Variants in MAML2 observed in about 807,000 individuals in gnomAD.
The protein encoded by MAML2 is mastermind-like protein 2.
A neutral mutation model predicts 96.1 loss-of-function variants in MAML2; 22 were observed. The ratio of observed to expected loss-of-function variants is 0.23; its 90% CI spans 0.16 to 0.33. The LOEUF is 0.33. Ranked by LOEUF, MAML2 falls within the 10% of genes least tolerant of loss-of-function variation. The pLI is 1.00. For missense variants in MAML2, 1,367 were observed against 1,392.4 expected (o/e 0.98, Z 0.29); for synonymous variants, 561 against 521.3 (o/e 1.08, Z -1.04).
intron 1 of MAML2, among the ~76,000 whole-genome samples, chr11:96,141,678 A>G (rs1326303032): frequency 1.3e-5 from 2 of 152,212 alleles, no homozygotes; most frequent in East Asian, 3.8e-4. Context: ...CTCCACACAT[A>G]AGGACCAGGC....
chr11:96,144,447 G>A (rs1009505965), intron 1 of MAML2, among the ~76,000 whole-genome samples: 9 of 152,296 alleles, frequency 5.9e-5, no homozygotes, highest in Middle Eastern at 3.4e-3. Flanking sequence ...AGTGGTAGAA[G>A]TGGGTTCTGT....
intron 2 of MAML2, among the ~76,000 whole-genome samples, chr11:96,059,099 T>TA (rs1340716514): frequency 6.6e-6 from 1 of 151,958 alleles, no homozygotes; most frequent in African/African-American, 2.4e-5. Context: ...ATAATAGCAA[T>TA]AAAAAATAAA....
chr11:96,255,000 T>C (rs1199535048), intron 1 of MAML2, among the ~76,000 whole-genome samples: 1 of 152,030 alleles, frequency 6.6e-6, no homozygotes, highest in African/African-American at 2.4e-5. Context: ...TTGGCATTTT[T>C]TTTTTAGAGG....
At chr11:96,035,439 G>A (rs1345395036) in intron 2 of MAML2, among the ~76,000 whole-genome samples, 5 of 152,198 alleles carry the variant, frequency 3.3e-5, no homozygotes, top group South Asian at 2.1e-4. Context: ...TTCTGAGGAT[G>A]TGGATTCTAC....
chr11:96,251,006 G>A (rs367834012), intron 1 of MAML2, among the ~76,000 whole-genome samples: 22 of 123,288 alleles, frequency 1.8e-4, no homozygotes, highest in African/African-American at 7.5e-4. Flanking sequence ...GGTAAGGGGT[G>A]AGGGAGAAGA....
chr11:96,063,660 C>A (rs1051966254), intron 2 of MAML2, among the ~76,000 whole-genome samples: 2 of 152,166 alleles, frequency 1.3e-5, no homozygotes, highest in East Asian at 1.9e-4. Flanking sequence ...GCCCAGGATA[C>A]CTAGCTCCAA....
chr11:95,998,118 ATCTATCTGTCTGTCTGTCTGTCAGTCTG>A (rs1858021099), intron 2 of MAML2, among the ~76,000 whole-genome samples: 1 of 125,372 alleles, frequency 8.0e-6, no homozygotes, highest in African/African-American at 3.1e-5. Flanking sequence ...CCACTTTTCT[ATCTATCTGTCTGTCTGTCTGTCAGTCTG>A]TCTGTCTGTC....
At chr11:96,291,768 T>C (rs1314949865) in intron 1 of MAML2, among the ~76,000 whole-genome samples, 3 of 152,196 alleles carry the variant, frequency 2.0e-5, no homozygotes, top group East Asian at 1.9e-4. Context: ...TTTTTATTCA[T>C]AGAATACTCT....
intron 2 of MAML2, among the ~76,000 whole-genome samples, chr11:96,062,076 T>G (rs1371951345): frequency 6.6e-6 from 1 of 152,204 alleles, no homozygotes; most frequent in Admixed American, 6.5e-5. Context: ...CTTAAAACAT[T>G]CTACCACTTT....
At chr11:96,253,606 TA>T (rs1157813668) in intron 1 of MAML2, among the ~76,000 whole-genome samples, 1 of 152,216 alleles carries the variant, frequency 6.6e-6, no homozygotes, top group Non-Finnish European at 1.5e-5. Flanking sequence ...GATCGACCAC[TA>T]AAATCTTCTG....
intron 1 of MAML2, among the ~76,000 whole-genome samples, chr11:96,247,771 C>A (rs1862530330): frequency 6.6e-6 from 1 of 152,162 alleles, no homozygotes; most frequent in South Asian, 2.1e-4. Flanking sequence ...CTCTTCTAAA[C>A]CTCCAGCACC....
intron 1 of MAML2, among the ~76,000 whole-genome samples, chr11:96,331,855 G>A (rs963346495): frequency 6.7e-6 from 1 of 150,212 alleles, no homozygotes; most frequent in Non-Finnish European, 1.5e-5. Flanking sequence ...CTTCATTTAC[G>A]AAAAGAGGAT....
chr11:96,295,494 G>A (rs1272703289), intron 1 of MAML2, among the ~76,000 whole-genome samples: 1 of 152,144 alleles, frequency 6.6e-6, no homozygotes, highest in Middle Eastern at 3.2e-3. Flanking sequence ...CTCTTCAAAT[G>A]TAAGCTATGA....
intron 1 of MAML2, among the ~76,000 whole-genome samples, chr11:96,300,065 CAG>C (rs1863365904): frequency 6.6e-6 from 1 of 151,952 alleles, no homozygotes; most frequent in Non-Finnish European, 1.5e-5. Flanking sequence ...ACAGGAGGCT[CAG>C]AGAGAGTAAG....
At chr11:96,159,514 C>G (rs764273838) in intron 1 of MAML2, among the ~76,000 whole-genome samples, 1 of 147,224 alleles carries the variant, frequency 6.8e-6, no homozygotes, top group Non-Finnish European at 1.5e-5. Context: ...GAGCTCCGGC[C>G]TCCCGGGTTC....
intron 1 of MAML2, among the ~76,000 whole-genome samples, chr11:96,180,471 A>C (rs757250191): frequency 4.6e-5 from 7 of 152,212 alleles, no homozygotes; most frequent in African/African-American, 7.2e-5. Context: ...CCTGGGTCAC[A>C]GAGAGAGACT....
intron 1 of MAML2, among the ~76,000 whole-genome samples, chr11:96,327,296 TG>T (rs2136015332): frequency 6.6e-6 from 1 of 152,338 alleles, no homozygotes; most frequent in South Asian, 2.1e-4. Flanking sequence ...TGGACCCGAA[TG>T]GGGGTCTCCT....
At chr11:96,299,544 C>T (rs910153459) in intron 1 of MAML2, among the ~76,000 whole-genome samples, 4 of 152,060 alleles carry the variant, frequency 2.6e-5, no homozygotes, top group African/African-American at 7.2e-5. Context: ...GAGCAGGCCT[C>T]GCCCTCAGAC....
chr11:96,172,655 A>G (rs1338409168), intron 1 of MAML2, among the ~76,000 whole-genome samples: 1 of 152,244 alleles, frequency 6.6e-6, no homozygotes, highest in Admixed American at 6.5e-5. Flanking sequence ...AATAAATTTC[A>G]TATGAAGTAG....
Sources: allele counts gnomAD v4.1 joint callset (sites outside exome capture counted in the v4.1 genomes callset), GRCh38; gene constraint gnomAD v4.1.1; transcripts MANE v1.5; gene names NCBI Gene and HGNC (gene_info 2026-07-23, HGNC 2026-07-21).